The following LINGO2 variants were observed in gnomAD, a reference collection of about 807,000 sequenced individuals.
LINGO2 encodes the protein leucine rich repeat and Ig domain containing 2.
LINGO2 carries 14 observed loss-of-function variants against 30.6 expected under a neutral mutation model. The observed-to-expected ratio is 0.46, with a 90% CI of 0.30 to 0.72. The LOEUF is 0.72. LINGO2 is among the 30% of genes least tolerant of loss of function. The pLI, the probability that LINGO2 is intolerant of heterozygous loss-of-function variation, is 0.07. For missense variants in LINGO2, 729 were observed against 751.7 expected (o/e 0.97, Z 0.35); for synonymous variants, 317 against 288.5 (o/e 1.10, Z -1.00).
At chr9:28,950,759 T>G in the LINGO2 span, among the ~76,000 whole-genome samples, 1 of 151,986 alleles carries the variant, frequency 6.6e-6, no homozygotes, top group Non-Finnish European at 1.5e-5. Context: ...CACAAACAAA[T>G]AGAAAAACCT....
At chr9:29,002,671 C>T in the LINGO2 span, among the ~76,000 whole-genome samples, 5 of 152,094 alleles carry the variant, frequency 3.3e-5, no homozygotes, top group Admixed American at 2.0e-4. Context: ...AATTTACCTG[C>T]GCTCTGTCAC....
the LINGO2 span, among the ~76,000 whole-genome samples, chr9:29,026,816 A>C: frequency 2.0e-5 from 3 of 152,262 alleles, no homozygotes; most frequent in Admixed American, 2.0e-4. Context: ...ACAGGTATCT[A>C]CTTTTACCTT....
chr9:28,796,437 A>G, the LINGO2 span, among the ~76,000 whole-genome samples: 1 of 152,224 alleles, frequency 6.6e-6, no homozygotes, highest in Non-Finnish European at 1.5e-5. Flanking sequence ...TGATATTTAT[A>G]TTAAAACTGG....
At chr9:28,472,664 T>A (rs758257595) in intron 2 of LINGO2, among the ~76,000 whole-genome samples, 6 of 152,198 alleles carry the variant, frequency 3.9e-5, no homozygotes, top group East Asian at 1.9e-4. Flanking sequence ...GCTCTTTTTT[T>A]ATTTATTTTG....
rs890061091 is a variant in LINGO2, at chr9:28,148,977, C to T, written c.-86-136572G>A. On this transcript the variant is annotated intron_variant, in intron 4 of 5. Transcript: ENST00000379992. This position sits in a 1 kb window ranked among gnomAD's most constrained non-coding sequence, Gnocchi z 5.1. ...CACAAAAGAAAACTGTCGGGGCCAC[C>T]GCTGCAGCTGCAACCGACCCCTCCC... The T allele has an allele frequency of 7.1e-5, 109 of 1,534,160 alleles. No individual in the cohort carries two copies. Among genetic ancestry groups the T allele is most frequent in the African/African-American group, 5.2e-4 (38 of 73,092 alleles).
chr9:29,079,984 G>A, the LINGO2 span, among the ~76,000 whole-genome samples: 2 of 151,886 alleles, frequency 1.3e-5, no homozygotes, highest in African/African-American at 2.4e-5. Flanking sequence ...AGTCACAAAT[G>A]ACAGGAAAAT....
intron 3 of LINGO2, among the ~76,000 whole-genome samples, chr9:28,302,324 T>C (rs1218954474): frequency 6.6e-6 from 1 of 152,208 alleles, no homozygotes; most frequent in Non-Finnish European, 1.5e-5. Flanking sequence ...ACAGTGCCAC[T>C]GCATTAGTTT....
At chr9:28,943,705 T>C in the LINGO2 span, among the ~76,000 whole-genome samples, 1 of 152,294 alleles carries the variant, frequency 6.6e-6, no homozygotes, top group Admixed American at 6.5e-5. Flanking sequence ...AACGTATGCA[T>C]TGCTCTGTAA....
the LINGO2 span, among the ~76,000 whole-genome samples, chr9:28,854,358 A>G: frequency 6.6e-6 from 1 of 152,038 alleles, no homozygotes; most frequent in Non-Finnish European, 1.5e-5. Context: ...ATGCTAAGTT[A>G]TAGAAATCTT....
At chr9:28,217,381 G>C (rs1276799961) in intron 4 of LINGO2, among the ~76,000 whole-genome samples, 1 of 151,606 alleles carries the variant, frequency 6.6e-6, no homozygotes, top group Non-Finnish European at 1.5e-5. Context: ...AATTTTTCAA[G>C]TTGTGAAAAT....
intron 4 of LINGO2, among the ~76,000 whole-genome samples, chr9:28,107,023 A>C (rs965720773): frequency 6.6e-6 from 1 of 152,024 alleles, no homozygotes; most frequent in African/African-American, 2.4e-5. Flanking sequence ...CCTCTCCCCC[A>C]TTCCTTAATT....
At chr9:28,923,674 G>A in the LINGO2 span, among the ~76,000 whole-genome samples, 2 of 152,114 alleles carry the variant, frequency 1.3e-5, no homozygotes, top group African/African-American at 2.4e-5. Flanking sequence ...AGAAAGAAGC[G>A]TTCCACTTAG....
the LINGO2 span, among the ~76,000 whole-genome samples, chr9:28,736,517 G>A: frequency 7.2e-5 from 11 of 152,158 alleles, no homozygotes; most frequent in Non-Finnish European, 1.5e-4. Flanking sequence ...TAGGCCGGGC[G>A]TGGTGGGTCA....
chr9:29,028,563 A>T, the LINGO2 span, among the ~76,000 whole-genome samples: 4,102 of 152,240 alleles, frequency 0.027, 197 homozygotes, highest in African/African-American at 0.094. Flanking sequence ...GAATGTATTT[A>T]TCCTCACTTT....
At chr9:28,124,789 G>A (rs1827192533) in intron 4 of LINGO2, among the ~76,000 whole-genome samples, 2 of 152,280 alleles carry the variant, frequency 1.3e-5, no homozygotes, top group Middle Eastern at 3.4e-3. Context: ...AAGAAAAACA[G>A]GAAGAAAAGG....
rs574327231 is a variant in LINGO2, at chr9:28,234,138, C to T, written c.-87+61070G>A. On this transcript the variant is annotated intron_variant, in intron 4 of 5. Coordinates refer to ENST00000379992, the Ensembl canonical transcript of LINGO2. ...AGAGCAACCAGCAGATTCTTGGGGT[C>T]CTGGAGTCCAGGCCTAGACTCTTAG... Among the ~76,000 whole-genome samples, 26 of 152,186 alleles carry T rather than the reference C, an allele frequency of 1.7e-4. 1 individual carries two copies. The highest frequency in any genetic ancestry group is 1.4e-3 in the Admixed American group (22 of 15,286).
chr9:28,236,088 G>T (rs1821554050), intron 4 of LINGO2, among the ~76,000 whole-genome samples: 1 of 152,022 alleles, frequency 6.6e-6, no homozygotes, highest in South Asian at 2.1e-4. Context: ...AGCAGCAAGA[G>T]AAAAGAAACA....
At chr9:28,794,237 G>A in the LINGO2 span, among the ~76,000 whole-genome samples, 4,554 of 152,304 alleles carry the variant, frequency 0.03, 230 homozygotes, top group African/African-American at 0.099. Flanking sequence ...CCGGGAGGCA[G>A]AGGTTGCAGT....
At chr9:28,964,554 A>C in the LINGO2 span, among the ~76,000 whole-genome samples, 1 of 151,954 alleles carries the variant, frequency 6.6e-6, no homozygotes, top group East Asian at 1.9e-4. Flanking sequence ...ATTCTGTAGG[A>C]ATGAGAAACC....
Sources: allele counts gnomAD v4.1 joint callset (sites outside exome capture counted in the v4.1 genomes callset), GRCh38; gene constraint gnomAD v4.1.1; non-coding constraint Gnocchi (gnomAD v3.1); transcripts MANE v1.5; gene names NCBI Gene and HGNC (gene_info 2026-07-23, HGNC 2026-07-21).